BMP4: variants seen among roughly 807,000 people sequenced by gnomAD.
BMP4 encodes the protein bone morphogenetic protein 4, also known as bone morphogenetic protein 2B.
Under a neutral mutation model 29.6 loss-of-function variants are expected in BMP4, and 3 were observed. That is an observed-to-expected ratio of 0.10 (90% CI 0.05 to 0.26). The LOEUF (loss-of-function observed/expected upper bound fraction) is 0.26, where lower values mean the gene tolerates loss of function less well. Ranked by LOEUF, BMP4 falls within the 10% of genes least tolerant of loss-of-function variation. The pLI, the probability that BMP4 is intolerant of heterozygous loss-of-function variation, is 1.00. For missense variants in BMP4, 455 were observed against 550.2 expected (o/e 0.83, Z 1.73); for synonymous variants, 197 against 213.2 (o/e 0.92, Z 0.66).
At position 53,955,098 on chromosome 14, in the gene BMP4, G is replaced by C. The variant is rs1895660367; in HGVS notation, c.-133+1452C>G. Among the ~76,000 whole-genome samples, 1 of 152,210 alleles carries C rather than the reference G, an allele frequency of 6.6e-6. No homozygotes were observed. The highest frequency in any genetic ancestry group is 6.5e-5 in the Admixed American group (1 of 15,290). On this transcript the variant is annotated intron_variant, in intron 1 of 3. Coordinates refer to ENST00000245451, the MANE Select transcript of BMP4 (RefSeq NM_001202.6). The surrounding 1 kb of genome is among the most constrained non-coding windows in gnomAD (Gnocchi z 4.0). ...CAAGAGCCGCGCGGCTTTCGCCTTT[G>C]CTGGTCCCGCGCCACCGCTGGGGCG... is the stretch of plus-strand genomic sequence containing the variant.
In BMP4 at chr14:53,950,312, T is replaced by C; in HGVS notation, c.947A>G (p.Asp316Gly). Reference protein sequence around the residue: ...KNCRRHSLYVDFSDVGWNDWI... With the variant: ...KNCRRHSLYVGFSDVGWNDWI... Reference sequence around the variant, plus strand: ...GTCATTCCAGCCCACATCGCTGAAGTCCACATAGAGCGAGTGGCGCCGGCA... The same window carrying C: ...GTCATTCCAGCCCACATCGCTGAAGCCCACATAGAGCGAGTGGCGCCGGCA... Residue 316 changes from aspartate (D) to glycine (G), a missense_variant, in exon 4 of 4, where the codon GAC becomes GGC. Coordinates refer to ENST00000245451, the MANE Select transcript of BMP4 (RefSeq NM_001202.6). The surrounding 1 kb of genome is among the most constrained non-coding windows in gnomAD (Gnocchi z 5.4). 6.2e-7 allele frequency: 1 copy of C among 1,614,176 alleles called. No individual in the cohort carries two copies. The highest frequency in any genetic ancestry group is 8.5e-7 in the Non-Finnish European group (1 of 1,180,032).
chr14:53,951,242 T>C (rs1895391634), intron 3 of BMP4, among the ~76,000 whole-genome samples: 2 of 152,030 alleles, frequency 1.3e-5, no homozygotes, highest in South Asian at 4.2e-4. Context: ...TCTTTACAAG[T>C]GGTTGTAAAG....
intron 2 of BMP4, among the ~76,000 whole-genome samples, chr14:53,952,919 G>A (rs1390662442): frequency 6.6e-6 from 1 of 152,208 alleles, no homozygotes; most frequent in East Asian, 1.9e-4. Context: ...ACCTCTGTGA[G>A]TTTTGACAAG....
Position 53,955,915 on chromosome 14 carries a change from G to A in BMP4, c.-133+635C>T, listed in dbSNP as rs1895700480. On this transcript the variant is annotated intron_variant, in intron 1 of 3. Transcript: ENST00000245451. This position sits in a 1 kb window ranked among gnomAD's most constrained non-coding sequence, Gnocchi z 4.0. ...TACACCGTGAAATGATAGAGGCGAG[G>A]TTCCTTGGGTTCCGCAAGTCGACGA... 6.6e-6 allele frequency: 1 copy of A among 152,040 alleles called. No homozygotes were observed. The highest frequency in any genetic ancestry group is 2.1e-4 in the South Asian group (1 of 4,822). 9.4% of individuals were successfully genotyped at this position (152,040 alleles called of 1,614,324 possible).
In BMP4 at chr14:53,952,129, T is replaced by G. The variant is rs1311306185; in HGVS notation, c.94A>C (p.Lys32Gln). The change falls in exon 3 of 4, where the codon AAG becomes CAG. Residue 32 changes from lysine to glutamine, a missense_variant. Physicochemically the swap from Lys to Gln is moderately conservative, Grantham distance 53. Transcript: ENST00000245451. ...SHASLIPETG[K>Q]KKVAEIQGHA... ...CCCTGAATCTCGGCGACTTTTTTCT[T>G]CCCCGTCTCAGGTATCAAACTAGCA... The G allele has an allele frequency of 6.2e-7, 1 of 1,613,676 alleles. No homozygotes were observed. The highest frequency in any genetic ancestry group is 8.5e-7 in the Non-Finnish European group (1 of 1,179,638).
intron 1 of BMP4, among the ~76,000 whole-genome samples, chr14:53,953,937 A>C (rs200966269): frequency 0.046 from 5,356 of 115,758 alleles, 173 homozygotes; most frequent in African/African-American, 0.09. Context: ...ACACCCCCCC[A>C]CACACACACA....
chr14:53,955,276 G>T lies in BMP4; in HGVS notation c.-133+1274C>A, dbSNP rs1259489450. ...GGGGCAAAGGGACAGTAGAAGGGGC[G>T]GGCGCCCGGGTTCCCCGGAAAACCC... On this transcript the variant is annotated intron_variant, in intron 1 of 3. Transcript: ENST00000245451. The surrounding 1 kb of genome is among the most constrained non-coding windows in gnomAD (Gnocchi z 4.0). Among the ~76,000 whole-genome samples, 1 of 151,404 alleles carries T rather than the reference G, an allele frequency of 6.6e-6. No homozygotes were observed. Among genetic ancestry groups the T allele is most frequent in the Non-Finnish European group, 1.5e-5 (1 of 67,914 alleles).
rs550409227 is a variant in BMP4 at position 53,950,258 on chromosome 14, G to T, written c.1001C>A (p.Ala334Asp). 2 of 1,614,268 alleles carry T rather than the reference G, an allele frequency of 1.2e-6. No individual in the cohort carries two copies. Among genetic ancestry groups the T allele is most frequent in the Non-Finnish European group, 1.7e-6 (2 of 1,180,046 alleles). ...DWIVAPPGYQ[A>D]FYCHGDCPFP... ...GGGGCAGTCCCCATGGCAGTAGAAG[G>T]CCTGGTAGCCTGGTGGGGCCACAAT... Residue 334 changes from alanine (A) to aspartate (D), a missense_variant, in exon 4 of 4, where the codon GCC becomes GAC. Coordinates refer to ENST00000245451, the MANE Select transcript of BMP4 (RefSeq NM_001202.6). The surrounding 1 kb of genome is among the most constrained non-coding windows in gnomAD (Gnocchi z 5.4).
chr14:53,951,983 C>T lies in BMP4; in HGVS notation c.240G>A (p.Pro80=), dbSNP rs747861439. ...RPQPSKSAVI[P]DYMRDLYRLQ... ...GCCGGTAAAGATCCCGCATGTAGTC[C>T]GGAATGACGGCACTCTTGCTAGGCT... The change falls in exon 3 of 4, where the codon CCG becomes CCA. Residue 80 remains proline (P), a synonymous_variant. Coordinates refer to ENST00000245451, the MANE Select transcript of BMP4 (RefSeq NM_001202.6). 5 of 1,613,096 alleles carry T rather than the reference C, an allele frequency of 3.1e-6. No homozygotes were observed. In the African/African-American group the frequency reaches 5.3e-5, roughly 17 times the overall value.
Position 53,950,602 on chromosome 14 carries a change from A to G in BMP4, c.657T>C (p.Pro219=). 6.2e-7 allele frequency: 1 copy of G among 1,614,274 alleles called. No individual in the cohort carries two copies. The highest frequency in any genetic ancestry group is 8.5e-7 in the Non-Finnish European group (1 of 1,180,036). Residue 219 remains proline (P), a synonymous_variant, in exon 4 of 4, where the codon CCT becomes CCC. Coordinates refer to ENST00000245451, the MANE Select transcript of BMP4 (RefSeq NM_001202.6). This position sits in a 1 kb window ranked among gnomAD's most constrained non-coding sequence, Gnocchi z 5.4. The stretch of plus-strand genomic sequence containing the variant: ...TCTCCCGGGTCCAGCGAAGGACCGC[A>G]GGGCTCACATCAAAAGTTTCCCACC... ...VTRWETFDVS[P]AVLRWTREKQ... is the part of the protein sequence containing the mutation.
intron 3 of BMP4, among the ~76,000 whole-genome samples, chr14:53,951,137 G>A (rs1392463923): frequency 1.3e-5 from 2 of 152,144 alleles, no homozygotes; most frequent in Non-Finnish European, 2.9e-5. Flanking sequence ...CAGCCTCCTT[G>A]ATATGTCTAA....
In BMP4 at chr14:53,954,749, G is replaced by A. The variant is rs1594797866; in HGVS notation, c.-132-1349C>T. Among the ~76,000 whole-genome samples the A allele has an allele frequency of 6.6e-6, 1 of 152,066 alleles. No individual in the cohort carries two copies. The highest frequency in any genetic ancestry group is 1.9e-4 in the East Asian group (1 of 5,150). ...GCGCAACTCAGCGTTCAGCAGGGCCGGGAGCGCCAGGTCGTCCCCGGGGCC... is the reference window on the plus strand; with the variant it reads ...GCGCAACTCAGCGTTCAGCAGGGCCAGGAGCGCCAGGTCGTCCCCGGGGCC... On this transcript the variant is annotated intron_variant, in intron 1 of 3. Coordinates refer to ENST00000245451, the MANE Select transcript of BMP4 (RefSeq NM_001202.6). The surrounding 1 kb of genome is among the most constrained non-coding windows in gnomAD (Gnocchi z 4.8).
Position 53,954,117 on chromosome 14 carries a change from G to C in BMP4, c.-132-717C>G, listed in dbSNP as rs999556737. Among the ~76,000 whole-genome samples, 1 of 152,180 alleles carries C rather than the reference G, an allele frequency of 6.6e-6. No individual in the cohort carries two copies. The highest frequency in any genetic ancestry group is 2.4e-5 in the African/African-American group (1 of 41,448). ...GCCGACCTTGTCACGCGCGGGGCCG[G>C]GAATGGGAGGGAGGGTGTTAGAGGG... is the stretch of plus-strand genomic sequence containing the variant. On this transcript the variant is annotated intron_variant, in intron 1 of 3. Coordinates refer to ENST00000245451, the MANE Select transcript of BMP4 (RefSeq NM_001202.6). The surrounding 1 kb of genome is among the most constrained non-coding windows in gnomAD (Gnocchi z 4.8).
In BMP4 at chr14:53,956,703, C is replaced by A. The variant is rs1895733333; in HGVS notation, c.-286G>T. 7 of 399,178 alleles carry A rather than the reference C, an allele frequency of 1.8e-5. No individual in the cohort carries two copies. The highest frequency in any genetic ancestry group is 3.1e-5 in the Non-Finnish European group (7 of 226,156). The allele number at this position is 399,178 out of a possible 1,614,324, so 24.7% of individuals were successfully genotyped here. Reference sequence around the variant, plus strand: ...TCGGGGAGACAAGCTAGATACTCAGCCGGAGCAGCAGCGGCGTCTCAGGCT... The same window carrying A: ...TCGGGGAGACAAGCTAGATACTCAGACGGAGCAGCAGCGGCGTCTCAGGCT... On this transcript the variant is annotated 5_prime_UTR_variant, in exon 1 of 4. Transcript: ENST00000245451.
chr14:53,951,137 G>C (rs1392463923), intron 3 of BMP4, among the ~76,000 whole-genome samples: 1 of 152,144 alleles, frequency 6.6e-6, no homozygotes, highest in South Asian at 2.1e-4. Context: ...CAGCCTCCTT[G>C]ATATGTCTAA....
In BMP4 at chr14:53,949,981, G is replaced by GGT. The variant is rs756379131; in HGVS notation, c.*49_*50dup. 25 of 1,576,918 alleles carry GGT rather than the reference G, an allele frequency of 1.6e-5. No homozygotes were observed. The highest frequency in any genetic ancestry group is 2.2e-5 in the South Asian group (2 of 89,626). ...GGGAACGTGTGTGTGTGGTGTATGTGGTGTGTGTGTGTGGTGTGTATATCT... is the reference window on the plus strand; with the variant it reads ...GGGAACGTGTGTGTGTGGTGTATGTGGTGTGTGTGTGTGTGGTGTGTATATCT... On this transcript the variant is annotated 3_prime_UTR_variant, in exon 4 of 4. Coordinates refer to ENST00000245451, the MANE Select transcript of BMP4 (RefSeq NM_001202.6).
At chr14:53,951,774 C>T (rs750017710) in intron 3 of BMP4, 79 bp downstream of exon 3, 2 of 1,560,194 alleles carry the variant, frequency 1.3e-6, no homozygotes, top group South Asian at 1.2e-5. Context: ...AACCCGAACT[C>T]TTCTTCCCCA....
chr14:53,952,388 A>G (rs35107139), intron 2 of BMP4, among the ~76,000 whole-genome samples, 159 bp from the exon 3 acceptor site: 1 of 148,828 alleles, frequency 6.7e-6, no homozygotes, highest in Admixed American at 6.7e-5. Flanking sequence ...CCCTCACACC[A>G]CCCGCCCACC....
rs1895691752 is a variant in BMP4 at position 53,955,734 on chromosome 14, A to T, written c.-133+816T>A. ...GGAAGAAGCCTGCAGGGACTCGGGA[A>T]TCACGGGAACCTTTCCCGTCGGTTC... On this transcript the variant is annotated intron_variant, in intron 1 of 3. Coordinates refer to ENST00000245451, the MANE Select transcript of BMP4 (RefSeq NM_001202.6). The surrounding 1 kb of genome is among the most constrained non-coding windows in gnomAD (Gnocchi z 4.0). The T allele has an allele frequency of 6.6e-6, 1 of 152,214 alleles. No homozygotes were observed. The allele number at this position is 152,214 out of a possible 1,614,324, so 9.4% of individuals were successfully genotyped here.
Sources: gnomAD v4.1 joint callset for allele counts (sites outside exome capture counted in the v4.1 genomes callset) on GRCh38, gnomAD v4.1.1 for gene constraint, Gnocchi (gnomAD v3.1) non-coding constraint, MANE v1.5 for transcripts, NCBI Gene and HGNC (gene_info 2026-07-23, HGNC 2026-07-21) for gene names.